Variants in FGF2 observed in about 807,000 individuals in gnomAD.
The protein encoded by FGF2 is basic fibroblast growth factor bFGF.
Under a neutral mutation model 15.9 loss-of-function variants are expected in FGF2, and 13 were observed. The ratio of observed to expected loss-of-function variants is 0.82; its 90% confidence interval spans 0.53 to 1.30. The LOEUF is 1.30. FGF2 is among the 50% of genes most tolerant of loss of function. The pLI is 0.00. For missense variants in FGF2, 163 were observed against 196.9 expected, an observed-to-expected ratio of 0.83 and a Z score of 1.03; for synonymous variants, 90 against 78.4, an observed-to-expected ratio of 1.15 and a Z score of -0.78.
chr4:122,883,945 G>A (rs1027559922), intron 2 of FGF2, among the ~76,000 whole-genome samples: 4 of 152,054 alleles, frequency 2.6e-5, no homozygotes, highest in Non-Finnish European at 5.9e-5. Context: ...TCTTAATTGA[G>A]GGGCCTTCAC....
rs1244997436 is a variant in FGF2 at position 122,898,084 on chromosome 4, T to C, written c.*5688T>C. 6.1e-6 allele frequency: 1 copy of C among 163,138 alleles called. No homozygotes were observed. The highest frequency in any genetic ancestry group is 2.4e-5 in the African/African-American group (1 of 41,626). 10.1% of individuals were successfully genotyped at this position (163,138 alleles called of 1,614,324 possible). ...TATAAATTTCATCACTAAAATATGC[T>C]ATTTTAAAATCTATTTCCTATATTG... is the stretch of plus-strand genomic sequence containing the variant. On this transcript the variant is annotated 3_prime_UTR_variant, in exon 3 of 3. Transcript: ENST00000644866.
intron 1 of FGF2, among the ~76,000 whole-genome samples, chr4:122,849,806 A>G (rs1008139904): frequency 1.3e-5 from 2 of 152,142 alleles, no homozygotes; most frequent in African/African-American, 2.4e-5. Context: ...GAGAATAGGA[A>G]AGGAAATTAA....
intron 1 of FGF2, among the ~76,000 whole-genome samples, chr4:122,848,280 T>C (rs2150769943): frequency 6.6e-6 from 1 of 152,364 alleles, no homozygotes; most frequent in South Asian, 2.1e-4. Flanking sequence ...CAGGGGCACA[T>C]GGAGTCCAGG....
At chr4:122,828,549 C>T (rs1463683796) in intron 1 of FGF2, among the ~76,000 whole-genome samples, 1 of 152,080 alleles carries the variant, frequency 6.6e-6, no homozygotes, top group Non-Finnish European at 1.5e-5. Context: ...CTGCCTTTGT[C>T]TTGGGATGCT....
At chr4:122,826,823 C>T, upstream of FGF2, 3 of 1,459,020 alleles carry the variant, frequency 2.1e-6, no homozygotes, top group South Asian at 1.3e-5. Flanking sequence ...CGCCGCGGCC[C>T]GGCGGGTGCC....
At position 122,827,012 on chromosome 4, in the gene FGF2, G is replaced by C. The variant is rs1057205458; in HGVS notation, c.-163G>C. On this transcript the variant is annotated 5_prime_UTR_variant, in exon 1 of 3. Coordinates refer to ENST00000644866, the MANE Select transcript of FGF2 (RefSeq NM_001361665.2). The surrounding 1 kb of genome is among the most constrained non-coding windows in gnomAD (Gnocchi z 4.2). ...AAGAGCGGCCGAGCGGCTCGAGGCT[G>C]GGGGACCGCGGGCGCGGCCGCGCGC... is the stretch of plus-strand genomic sequence containing the variant. 2 of 1,210,118 alleles carry C rather than the reference G, an allele frequency of 1.7e-6. No homozygotes were observed. The highest frequency in any genetic ancestry group is 3.2e-5 in the African/African-American group (2 of 63,158). 75.0% of individuals were successfully genotyped at this position (1,210,118 alleles called of 1,614,324 possible).
chr4:122,879,596 C>A (rs1726921592), intron 2 of FGF2, among the ~76,000 whole-genome samples: 1 of 152,196 alleles, frequency 6.6e-6, no homozygotes, highest in South Asian at 2.1e-4. Context: ...GTGCATTAGT[C>A]CATTTTCATG....
chr4:122,861,776 A>G (rs1365947183), intron 1 of FGF2, among the ~76,000 whole-genome samples: 1 of 152,086 alleles, frequency 6.6e-6, no homozygotes. Context: ...ACATACCCCT[A>G]CACTCCATGC....
intron 2 of FGF2, 23 bp downstream of exon 2, chr4:122,876,447 C>A: frequency 6.9e-7 from 1 of 1,459,104 alleles, no homozygotes; most frequent in Non-Finnish European, 9.6e-7. Flanking sequence ...TCTGTTTTCA[C>A]ACGTTTTTTG....
chr4:122,872,804 C>A (rs1726767308), intron 1 of FGF2, among the ~76,000 whole-genome samples: 1 of 152,230 alleles, frequency 6.6e-6, no homozygotes, highest in South Asian at 2.1e-4. Flanking sequence ...GAAATAAAAT[C>A]CTTTCCAGAC....
intron 1 of FGF2, among the ~76,000 whole-genome samples, chr4:122,864,349 C>T (rs1044574797): frequency 6.6e-6 from 1 of 152,128 alleles, no homozygotes; most frequent in Non-Finnish European, 1.5e-5. Flanking sequence ...TGTTGTGTGT[C>T]GGGCAGTGTG....
Position 122,893,276 on chromosome 4 carries a change from C to A in FGF2, c.*880C>A. The A allele has an allele frequency of 6.7e-7, 1 of 1,496,958 alleles. No homozygotes were observed. Among genetic ancestry groups the A allele is most frequent in the South Asian group, 1.4e-5 (1 of 72,892 alleles). The allele number at this position is 1,496,958 out of a possible 1,614,324, so 92.7% of individuals were successfully genotyped here. A position where few individuals can be genotyped will look rare whatever the true frequency, so the allele number is the denominator to read the frequency against. Reference sequence around the variant, plus strand: ...TCAATAATAATTACACTTTTAGAAACTGTATCATCAAAGATTTTCAGTTAA... The same window carrying A: ...TCAATAATAATTACACTTTTAGAAAATGTATCATCAAAGATTTTCAGTTAA... On this transcript the variant is annotated 3_prime_UTR_variant, in exon 3 of 3. Coordinates refer to ENST00000644866, the MANE Select transcript of FGF2 (RefSeq NM_001361665.2).
intron 1 of FGF2, among the ~76,000 whole-genome samples, chr4:122,858,684 C>T (rs538653117): frequency 8.5e-4 from 130 of 152,268 alleles, no homozygotes; most frequent in African/African-American, 2.8e-3. Flanking sequence ...AGACGTGAGC[C>T]ACCGTGCCTG....
rs772318007 is a variant in FGF2, at chr4:122,844,569, CTTTTTCTTTCTTTCTTT to C, written c.178+17218_178+17234del. Among the ~76,000 whole-genome samples the C allele has an allele frequency of 7.4e-3, 954 of 129,010 alleles. 6 individuals are homozygous for C. The highest frequency in any genetic ancestry group is 0.031 in the African/African-American group (882 of 28,444). The allele number at this position is 129,010 out of a possible 152,430, so 84.6% of individuals were successfully genotyped here. A position where few individuals can be genotyped will look rare whatever the true frequency, so the allele number is the denominator to read the frequency against. On this transcript the variant is annotated intron_variant, in intron 1 of 2. Transcript: ENST00000644866. ...TCTTTCTTTCTCTTTTTCTTTCTTT[CTTTTTCTTTCTTTCTTT>C]CTTCCTTCCTTCCTTCCTTCCTTCC...
At chr4:122,846,537 C>T (rs2150769009) in intron 1 of FGF2, among the ~76,000 whole-genome samples, 1 of 152,178 alleles carries the variant, frequency 6.6e-6, no homozygotes, top group East Asian at 1.9e-4. Flanking sequence ...AAATATTAGT[C>T]CATTTATGAA....
Position 122,894,027 on chromosome 4 carries a change from T to TA in FGF2, c.*1631_*1632insA, listed in dbSNP as rs1727273184. 1 of 152,196 alleles carries TA rather than the reference T, an allele frequency of 6.6e-6. No homozygotes were observed. Among genetic ancestry groups the TA allele is most frequent in the Non-Finnish European group, 1.5e-5 (1 of 68,038 alleles). 9.4% of individuals were successfully genotyped at this position (152,196 alleles called of 1,614,324 possible). A position where few individuals can be genotyped will look rare whatever the true frequency, so the allele number is the denominator to read the frequency against. On this transcript the variant is annotated 3_prime_UTR_variant, in exon 3 of 3. Coordinates refer to ENST00000644866, the MANE Select transcript of FGF2 (RefSeq NM_001361665.2). ...TTTGCCCTTGCAGTAATTCTACTGG[T>TA]GAAAAACATGCAAAGAAGAGGAAGT...
chr4:122,841,262 A>C (rs1725978309), intron 1 of FGF2, among the ~76,000 whole-genome samples: 1 of 152,240 alleles, frequency 6.6e-6, no homozygotes, highest in South Asian at 2.1e-4. Context: ...CTTTCACACT[A>C]CAATGGCAGA....
In FGF2 at chr4:122,893,565, A is replaced by G. The variant is rs1727255724; in HGVS notation, c.*1169A>G. On this transcript the variant is annotated 3_prime_UTR_variant, in exon 3 of 3. Coordinates refer to ENST00000644866, the MANE Select transcript of FGF2 (RefSeq NM_001361665.2). ...AGATTGAAAAGTTAAAACATTTTGC[A>G]TGGCTGCAGTTCCTTTGTTTCTTGA... is the stretch of plus-strand genomic sequence containing the variant. 5.5e-6 allele frequency: 1 copy of G among 180,854 alleles called. No homozygotes were observed. The highest frequency in any genetic ancestry group is 1.9e-4 in the South Asian group (1 of 5,380). The allele number at this position is 180,854 out of a possible 1,614,324, so 11.2% of individuals were successfully genotyped here.
intron 1 of FGF2, among the ~76,000 whole-genome samples, chr4:122,846,702 TTACC>T (rs1324454475): frequency 6.6e-6 from 1 of 152,222 alleles, no homozygotes; most frequent in Non-Finnish European, 1.5e-5. Flanking sequence ...GGTCACTTCT[TTACC>T]TATGTATTTG....
Sources: gnomAD v4.1 joint callset for allele counts (sites outside exome capture counted in the v4.1 genomes callset) on GRCh38, gnomAD v4.1.1 for gene constraint, Gnocchi (gnomAD v3.1) non-coding constraint, MANE v1.5 for transcripts, NCBI Gene and HGNC (gene_info 2026-07-23, HGNC 2026-07-21) for gene names.